Variants in PTN observed in about 807,000 individuals in gnomAD.
The protein encoded by PTN is pleiotrophin.
In PTN, 18 loss-of-function variants were observed where a neutral mutation model predicts 24.1. That is an observed-to-expected ratio of 0.75 (90% CI 0.52 to 1.11). The LOEUF (loss-of-function observed/expected upper bound fraction) is 1.11, where lower values mean the gene tolerates loss of function less well. PTN is among the 50% of genes least tolerant of loss of function. PTN has a pLI of 0.00. For synonymous variants in PTN, 78 were observed against 68.6 expected (o/e 1.14, Z -0.67); for missense variants, 163 against 198.8 (o/e 0.82, Z 1.08).
At chr7:137,291,010 G>A (rs1392431794) in intron 1 of PTN, among the ~76,000 whole-genome samples, 1 of 152,144 alleles carries the variant, frequency 6.6e-6, no homozygotes, top group East Asian at 1.9e-4. Context: ...CAAAATGATT[G>A]AAGCTGAATG....
rs375496164 is a variant in PTN at position 137,295,764 on chromosome 7, C to T, written c.-1-40790G>A. Among the ~76,000 whole-genome samples the T allele has an allele frequency of 2.6e-3, 387 of 151,500 alleles. 2 individuals are homozygous for T. The highest frequency in any genetic ancestry group is 9.0e-3 in the African/African-American group (373 of 41,266). On this transcript the variant is annotated intron_variant, in intron 1 of 4. Coordinates refer to ENST00000348225, the MANE Select transcript of PTN (RefSeq NM_002825.7). ...TGGCTCACATTATATTTGTATTGGCCGGTACTTCATATACTAATTTTTTCT... is the reference window on the plus strand; with the variant it reads ...TGGCTCACATTATATTTGTATTGGCTGGTACTTCATATACTAATTTTTTCT...
At chr7:137,265,509 C>T (rs1809126206) in intron 1 of PTN, among the ~76,000 whole-genome samples, 1 of 152,220 alleles carries the variant, frequency 6.6e-6, no homozygotes, top group African/African-American at 2.4e-5. Flanking sequence ...AGTTTCCTCC[C>T]TGTCGTGAGA....
At position 137,251,156 on chromosome 7, in the gene PTN, G is replaced by A; in HGVS notation, c.451+74C>T. ...GTAATTCACCTAATATTTCCTTCTG[G>A]AAAATGTGGGTTTTCCAGATCTTAC... On this transcript the variant is annotated intron_variant, in intron 4 of 4. Coordinates refer to ENST00000348225, the MANE Select transcript of PTN (RefSeq NM_002825.7). 6 of 1,521,324 alleles carry A rather than the reference G, an allele frequency of 3.9e-6. No homozygotes were observed. The South Asian group carries it at 4.6e-5, about 12-fold the overall frequency. The allele number at this position is 1,521,324 out of a possible 1,614,324, so 94.2% of individuals were successfully genotyped here.
chr7:137,322,181 T>C (rs532736652), intron 1 of PTN, among the ~76,000 whole-genome samples: 1 of 152,002 alleles, frequency 6.6e-6, no homozygotes, highest in South Asian at 2.1e-4. Flanking sequence ...TAATTGAGAA[T>C]GAAAGCTCAA....
rs938295422 is a variant in PTN at position 137,314,348 on chromosome 7, T to C, written c.-2+29091A>G. ...ACTTTGTTCCATGTACTACAGCATATGGCAAAGACGAATAAGATCACCAAT... is the reference window on the plus strand; with the variant it reads ...ACTTTGTTCCATGTACTACAGCATACGGCAAAGACGAATAAGATCACCAAT... On this transcript the variant is annotated intron_variant, in intron 1 of 4. Transcript: ENST00000348225. Among the ~76,000 whole-genome samples, 7 of 152,132 alleles carry C rather than the reference T, an allele frequency of 4.6e-5. 1 individual carries two copies. The highest frequency in any genetic ancestry group is 1.7e-4 in the African/African-American group (7 of 41,438).
intron 1 of PTN, among the ~76,000 whole-genome samples, chr7:137,291,789 T>C (rs1809642306): frequency 6.6e-6 from 1 of 152,204 alleles, no homozygotes; most frequent in South Asian, 2.1e-4. Flanking sequence ...TCATATACTA[T>C]GAAAATGCCA....
At chr7:137,299,423 A>T (rs1809771097) in intron 1 of PTN, among the ~76,000 whole-genome samples, 1 of 151,904 alleles carries the variant, frequency 6.6e-6, no homozygotes, top group African/African-American at 2.4e-5. Context: ...TTTTAGAAAG[A>T]TCCAGTCATT....
chr7:137,256,174 G>C (rs1455499040), intron 1 of PTN, among the ~76,000 whole-genome samples: 1 of 152,006 alleles, frequency 6.6e-6, no homozygotes, highest in East Asian at 1.9e-4. Flanking sequence ...TCTCTTATTA[G>C]TGTTTTTTTA....
At chr7:137,272,403 A>T (rs1356836997) in intron 1 of PTN, among the ~76,000 whole-genome samples, 1 of 152,230 alleles carries the variant, frequency 6.6e-6, no homozygotes. Context: ...CTTTCCTGGC[A>T]AATCCTTATC....
intron 1 of PTN, among the ~76,000 whole-genome samples, chr7:137,263,178 C>T (rs748219632): frequency 7.9e-5 from 12 of 152,092 alleles, no homozygotes; most frequent in Non-Finnish European, 1.6e-4. Context: ...AGGTAGCAAA[C>T]AAGGGAGCAG....
chr7:137,340,515 C>A (rs1296693688), intron 1 of PTN, among the ~76,000 whole-genome samples: 2 of 152,108 alleles, frequency 1.3e-5, no homozygotes, highest in Admixed American at 1.3e-4. Context: ...GGCCATGGCC[C>A]AAATTCCACT....
intron 1 of PTN, among the ~76,000 whole-genome samples, chr7:137,286,019 T>C (rs769196204): frequency 6.6e-6 from 1 of 152,174 alleles, no homozygotes; most frequent in Non-Finnish European, 1.5e-5. Flanking sequence ...AAATAAATGC[T>C]ACAGCCAAGT....
intron 1 of PTN, among the ~76,000 whole-genome samples, chr7:137,305,855 G>T (rs1463528902): frequency 3.3e-5 from 5 of 152,070 alleles, no homozygotes; most frequent in African/African-American, 4.8e-5. Flanking sequence ...ATAGGACATA[G>T]AAATAAGTGT....
At chr7:137,278,261 C>G (rs1443088601) in intron 1 of PTN, among the ~76,000 whole-genome samples, 1 of 129,508 alleles carries the variant, frequency 7.7e-6, no homozygotes, top group Non-Finnish European at 1.6e-5. Context: ...GAGCCGAGAT[C>G]GCGCCACTGC....
In PTN at chr7:137,328,490, T is replaced by C. The variant is rs539705149; in HGVS notation, c.-2+14949A>G. Among the ~76,000 whole-genome samples, 108 of 152,250 alleles carry C rather than the reference T, an allele frequency of 7.1e-4. 2 individuals are homozygous for C. In the South Asian group the frequency reaches 0.022, roughly 31 times the overall value. ...TTTCCAATGGGAAACTGTAGCAGGA[T>C]TTTTTTCCCATCCTTTGGTCCCTAT... On this transcript the variant is annotated intron_variant, in intron 1 of 4. Coordinates refer to ENST00000348225, the MANE Select transcript of PTN (RefSeq NM_002825.7).
intron 1 of PTN, among the ~76,000 whole-genome samples, chr7:137,268,926 T>C (rs1035550555): frequency 6.6e-6 from 1 of 152,230 alleles, no homozygotes; most frequent in Admixed American, 6.5e-5. Flanking sequence ...TTTTACATTT[T>C]ATATTGTTTT....
At chr7:137,335,130 A>G (rs1361900548) in intron 1 of PTN, among the ~76,000 whole-genome samples, 1 of 124,298 alleles carries the variant, frequency 8.0e-6, no homozygotes, top group Non-Finnish European at 1.8e-5. Flanking sequence ...CCAGCATGGC[A>G]CATGTATACA....
At chr7:137,329,370 A>G (rs928499122) in intron 1 of PTN, among the ~76,000 whole-genome samples, 1 of 152,160 alleles carries the variant, frequency 6.6e-6, no homozygotes. Flanking sequence ...GGTAGTTCCT[A>G]GGAGCAACGT....
intron 1 of PTN, among the ~76,000 whole-genome samples, chr7:137,312,194 CA>C (rs1398674734): frequency 6.6e-6 from 1 of 152,166 alleles, no homozygotes; most frequent in Non-Finnish European, 1.5e-5. Context: ...GTGCCAATAG[CA>C]AAGCCAATTT....
Sources: gnomAD v4.1 joint callset for allele counts (sites outside exome capture counted in the v4.1 genomes callset) on GRCh38, gnomAD v4.1.1 for gene constraint, MANE v1.5 for transcripts, NCBI Gene and HGNC (gene_info 2026-07-23, HGNC 2026-07-21) for gene names.